MLF1: variants seen among roughly 807,000 people sequenced by gnomAD.
MLF1 encodes myelodysplasia-myeloid leukemia factor 1.
In MLF1, 37 loss-of-function variants were observed where a neutral mutation model predicts 38.3. The ratio of observed to expected loss-of-function variants is 0.96; its 90% confidence interval spans 0.74 to 1.27. MLF1 has a LOEUF of 1.27. MLF1 is among the 50% of genes most tolerant of loss of function. MLF1 has a pLI of 0.00. For missense variants in MLF1, 331 were observed against 349.2 expected, an observed-to-expected ratio of 0.95 and a Z score of 0.42; for synonymous variants, 95 against 106.5, an observed-to-expected ratio of 0.89 and a Z score of 0.66.
At chr3:158,574,844 ACAT>A (rs1399378462) in intron 1 of MLF1, among the ~76,000 whole-genome samples, 1 of 152,206 alleles carries the variant, frequency 6.6e-6, no homozygotes, top group Non-Finnish European at 1.5e-5. Context: ...TGTAAATATG[ACAT>A]CATACAATTG....
intron 1 of MLF1, among the ~76,000 whole-genome samples, chr3:158,587,315 A>C (rs1322183083): frequency 1.3e-5 from 2 of 152,184 alleles, no homozygotes; most frequent in East Asian, 1.9e-4. Context: ...TAACATTTTA[A>C]TGTCATTCAT....
intron 1 of MLF1, chr3:158,573,152 G>A (rs1221440019): frequency 6.6e-6 from 1 of 151,526 alleles, no homozygotes; most frequent in Non-Finnish European, 1.5e-5. Context: ...TCATTGAAAA[G>A]GGGAAGTTTT....
At chr3:158,577,486 T>C (rs1040052554) in intron 1 of MLF1, among the ~76,000 whole-genome samples, 1 of 152,194 alleles carries the variant, frequency 6.6e-6, no homozygotes, top group Non-Finnish European at 1.5e-5. Flanking sequence ...AAAATTTAAG[T>C]TACTTATTTT....
rs1720469863 is a variant in MLF1 at position 158,606,213 on chromosome 3, A to G, written c.*1011A>G. On this transcript the variant is annotated 3_prime_UTR_variant, in exon 8 of 8. Coordinates refer to ENST00000466246, the MANE Select transcript of MLF1 (RefSeq NM_001369783.1). ...GCATCAGTCTGTTCTTATAAAAGTTAGGTTTGAAGTTTATAAGAATATAAA... is the reference window on the plus strand; with the variant it reads ...GCATCAGTCTGTTCTTATAAAAGTTGGGTTTGAAGTTTATAAGAATATAAA... 5.7e-6 allele frequency: 1 copy of G among 176,856 alleles called. No individual in the cohort carries two copies. The highest frequency in any genetic ancestry group is 2.4e-5 in the African/African-American group (1 of 42,238). 11.0% of individuals were successfully genotyped at this position (176,856 alleles called of 1,614,324 possible).
At chr3:158,601,918 G>A (rs564508912) in intron 6 of MLF1, among the ~76,000 whole-genome samples, 2 of 141,566 alleles carry the variant, frequency 1.4e-5, no homozygotes, top group East Asian at 2.3e-4. Flanking sequence ...CCAGGTTCAC[G>A]CCATTCTCCT....
chr3:158,572,698 A>G (rs1234819098), intron 1 of MLF1, among the ~76,000 whole-genome samples: 23 of 81,404 alleles, frequency 2.8e-4, no homozygotes, highest in Admixed American at 5.6e-4. Context: ...AGGTGTGGGG[A>G]AGAGGGTTTA....
chr3:158,577,342 T>C (rs2108557907), intron 1 of MLF1, among the ~76,000 whole-genome samples: 1 of 152,350 alleles, frequency 6.6e-6, no homozygotes, highest in South Asian at 2.1e-4. Flanking sequence ...AGGTTACTAC[T>C]TAAATACTTG....
intron 3 of MLF1, 81 bp downstream of exon 3, chr3:158,593,507 T>C (rs747955679): frequency 1.5e-4 from 171 of 1,134,398 alleles, no homozygotes; most frequent in Admixed American, 6.2e-4. Flanking sequence ...CTGACTGAAT[T>C]GGCATGCAGC....
chr3:158,580,101 A>G (rs1472317123), intron 1 of MLF1, among the ~76,000 whole-genome samples: 1 of 152,202 alleles, frequency 6.6e-6, no homozygotes, highest in East Asian at 1.9e-4. Context: ...TGCATTTTAG[A>G]ACTACTTGAA....
chr3:158,593,150 C>A (rs1560106599), intron 2 of MLF1, among the ~76,000 whole-genome samples: 1 of 148,644 alleles, frequency 6.7e-6, no homozygotes, highest in African/African-American at 2.5e-5. Context: ...AAAAAAAAAA[C>A]AGGATATTTA....
At chr3:158,588,714 A>G (rs2108603692) in intron 1 of MLF1, 1 of 285,526 alleles carries the variant, frequency 3.5e-6, no homozygotes. Context: ...CAAAAAGTTT[A>G]TACGTGTGTT....
chr3:158,580,907 T>A (rs1387944158), intron 1 of MLF1, among the ~76,000 whole-genome samples: 1 of 152,034 alleles, frequency 6.6e-6, no homozygotes, highest in Non-Finnish European at 1.5e-5. Flanking sequence ...GCCATGAACA[T>A]GCCACATTGC....
intron 1 of MLF1, chr3:158,590,727 G>A (rs1576668721): frequency 6.6e-6 from 3 of 451,870 alleles, no homozygotes; most frequent in East Asian, 1.4e-4. Context: ...CTAGGGCTAG[G>A]AGCAGGTAAT....
chr3:158,591,539 A>G (rs1311830697), intron 1 of MLF1, among the ~76,000 whole-genome samples: 1 of 152,160 alleles, frequency 6.6e-6, no homozygotes, highest in Admixed American at 6.5e-5. Flanking sequence ...GGGTGACCTA[A>G]GAAGAATAAC....
intron 1 of MLF1, among the ~76,000 whole-genome samples, chr3:158,592,010 T>A (rs1357479085): frequency 1.3e-5 from 2 of 152,196 alleles, no homozygotes; most frequent in African/African-American, 4.8e-5. Context: ...TTAATACACT[T>A]AACCTACCGA....
At chr3:158,596,598 T>G (rs1206767474) in intron 3 of MLF1, among the ~76,000 whole-genome samples, 2 of 152,194 alleles carry the variant, frequency 1.3e-5, no homozygotes, top group Non-Finnish European at 2.9e-5. Flanking sequence ...TGTGTTTTTA[T>G]ATATACATGC....
intron 1 of MLF1, among the ~76,000 whole-genome samples, chr3:158,574,504 C>T (rs1180274517): frequency 4.6e-5 from 2 of 43,776 alleles, no homozygotes; most frequent in Non-Finnish European, 8.3e-5. Context: ...CCCATCTGTA[C>T]TAAAAAAAAA....
In MLF1 at chr3:158,602,807, G is replaced by T. The variant is rs773190494; in HGVS notation, c.614G>T (p.Ser205Ile). 11 of 1,612,842 alleles carry T rather than the reference G, an allele frequency of 6.8e-6. No homozygotes were observed. The African/African-American group carries it at 1.2e-4, about 18-fold the overall frequency. Residue 205 changes from serine (S) to isoleucine (I), a missense_variant and splice_region_variant, in exon 7 of 8, where the codon AGT (serine) becomes ATT (isoleucine). By Grantham distance (142) the Ser-to-Ile change is moderately radical. Coordinates refer to ENST00000466246, the MANE Select transcript of MLF1 (RefSeq NM_001369783.1). Reference protein sequence around the residue: ...VNQEFINMNESDAHAFDEEWQ... With the variant: ...VNQEFINMNEIDAHAFDEEWQ... The stretch of plus-strand genomic sequence containing the variant: ...CCCATTATTTTTCTGTTTGACATAG[G>T]TGATGCTCATGCTTTTGATGAGGAG...
At chr3:158,600,607 TCTA>T (rs1427756863) in intron 6 of MLF1, among the ~76,000 whole-genome samples, 1 of 151,650 alleles carries the variant, frequency 6.6e-6, no homozygotes, top group Non-Finnish European at 1.5e-5. Flanking sequence ...AAATTATTAT[TCTA>T]CTTTTATATA....
Sources: gnomAD v4.1 joint callset for allele counts (sites outside exome capture counted in the v4.1 genomes callset) on GRCh38, gnomAD v4.1.1 for gene constraint, MANE v1.5 for transcripts, NCBI Gene and HGNC (gene_info 2026-07-23, HGNC 2026-07-21) for gene names.